MAMDC4: variants seen among roughly 807,000 people sequenced by gnomAD.
MAMDC4 encodes MAM domain containing 4.
Under a neutral mutation model 153.3 loss-of-function variants are expected in MAMDC4, and 168 were observed. The ratio of observed to expected loss-of-function variants is 1.10; its 90% CI spans 0.97 to 1.25. MAMDC4 has a LOEUF of 1.25. Ranked by LOEUF, MAMDC4 falls within the 50% of genes most tolerant of loss-of-function variation. MAMDC4 has a pLI of 0.00. For missense variants in MAMDC4, 1,701 were observed against 1,542.8 expected (o/e 1.10, Z -1.72); for synonymous variants, 744 against 651.5 (o/e 1.14, Z -2.16).
chr9:136,855,573 T>C lies in MAMDC4; in HGVS notation c.1425T>C (p.Cys475=). Residue 475 remains cysteine, a synonymous_variant, in exon 12 of 27, where the codon TGT becomes TGC. Coordinates refer to ENST00000317446, the MANE Select transcript of MAMDC4 (RefSeq NM_206920.3). The stretch of plus-strand genomic sequence containing the variant: ...TGTGTGTGCCCCCGGAACAACTGTG[T>C]GACTTCGAGGAGCAGTGCGCAGGGG... The part of the protein sequence containing the change: ...GDLCVPPEQL[C]DFEEQCAGGE... 1.3e-6 allele frequency: 2 copies of C among 1,591,466 alleles called. No homozygotes were observed. The highest frequency in any genetic ancestry group is 1.7e-6 in the Non-Finnish European group (2 of 1,169,272).
Position 136,855,631 on chromosome 9 carries a change from C to A in MAMDC4, c.1471+12C>A. ...CGAGCAGGCCTGTGGTAAAGGGGCT[C>A]AACCTCCTGCAGACCTCCTGCTGCG... On this transcript the variant is annotated intron_variant, in intron 12 of 26. Transcript: ENST00000317446. 1.9e-6 allele frequency: 3 copies of A among 1,568,670 alleles called. No individual in the cohort carries two copies. Among genetic ancestry groups the A allele is most frequent in the South Asian group, 1.2e-5 (1 of 85,648 alleles).
At chr9:136,854,404 C>A in intron 7 of MAMDC4, 68 bp downstream of exon 7, 1 of 1,493,788 alleles carries the variant, frequency 6.7e-7, no homozygotes, top group South Asian at 1.3e-5. Flanking sequence ...CCCTGGCACT[C>A]ATCCAGGAGG....
In MAMDC4 at chr9:136,852,571, G is replaced by T. The variant is rs1452351263; in HGVS notation, c.46+109G>T. The T allele has an allele frequency of 3.6e-6, 5 of 1,396,270 alleles. No homozygotes were observed. The African/African-American group carries it at 7.1e-5, about 20-fold the overall frequency. 86.5% of individuals were successfully genotyped at this position (1,396,270 alleles called of 1,614,324 possible). ...AGGGCTGATGCCTGAGCCCCAAAGG[G>T]AAGGAGGGTTGCAAGGTACTACCTT... is the stretch of plus-strand genomic sequence containing the variant. On this transcript the variant is annotated intron_variant, in intron 1 of 26. Coordinates refer to ENST00000317446, the MANE Select transcript of MAMDC4 (RefSeq NM_206920.3).
At position 136,859,030 on chromosome 9, in the gene MAMDC4, G is replaced by A. The variant is rs1588395080; in HGVS notation, c.2982G>A (p.Leu994=). 1.3e-6 allele frequency: 2 copies of A among 1,550,036 alleles called. No individual in the cohort carries two copies. Among genetic ancestry groups the A allele is most frequent in the Non-Finnish European group, 1.7e-6 (2 of 1,146,366 alleles). Residue 994 remains leucine (L), a synonymous_variant, in exon 24 of 27, where the codon CTG becomes CTA. Coordinates refer to ENST00000317446, the MANE Select transcript of MAMDC4 (RefSeq NM_206920.3). ...ACAAGGGGGAGCTGAAGGTACTGCT[G>A]CACAGTGCTCAGGGCCAGCTGGCTG... The part of the protein sequence containing the change: ...HFYKGELKVL[L]HSAQGQLAVW...
rs1225815655 is a variant in MAMDC4, at chr9:136,858,560, G to A, written c.2821+14G>A. The A allele has an allele frequency of 6.4e-7, 1 of 1,563,010 alleles. No homozygotes were observed. Among genetic ancestry groups the A allele is most frequent in the Non-Finnish European group, 8.7e-7 (1 of 1,154,888 alleles). On this transcript the variant is annotated intron_variant, in intron 22 of 26. Coordinates refer to ENST00000317446, the MANE Select transcript of MAMDC4 (RefSeq NM_206920.3). Reference sequence around the variant, plus strand: ...GCACAGAGGCAGGTACGTGCCCACTGGAGCCAGGTGGGGAGGCACACACAG... The same window carrying A: ...GCACAGAGGCAGGTACGTGCCCACTAGAGCCAGGTGGGGAGGCACACACAG...
rs762454209 is a variant in MAMDC4, at chr9:136,858,404, C to T, written c.2679C>T (p.Ser893=). The T allele has an allele frequency of 3.1e-6, 5 of 1,602,538 alleles. No homozygotes were observed. Among genetic ancestry groups the T allele is most frequent in the South Asian group, 1.1e-5 (1 of 91,096 alleles). Residue 893 remains serine, a synonymous_variant, in exon 22 of 27, where the codon TCC becomes TCT. Coordinates refer to ENST00000317446, the MANE Select transcript of MAMDC4 (RefSeq NM_206920.3). ...LQDGPCPQPG[S]CDFESGLCGW... is the part of the protein sequence containing the mutation. Reference sequence around the variant, plus strand: ...TCACCCACCCATGTCCTGCAGGTTCCTGTGATTTTGAGTCTGGCCTGTGTG... The same window carrying T: ...TCACCCACCCATGTCCTGCAGGTTCTTGTGATTTTGAGTCTGGCCTGTGTG...
At chr9:136,854,381 G>A (rs754862918) in intron 7 of MAMDC4, 45 bp downstream of exon 7, 88 of 1,497,516 alleles carry the variant, frequency 5.9e-5, no homozygotes, top group Non-Finnish European at 6.7e-5. Flanking sequence ...GAGACTGGAC[G>A]CCTCGGTGGG....
rs1849063063 is a variant in MAMDC4 at position 136,860,003 on chromosome 9, G to A, written c.3311G>A (p.Cys1104Tyr). 6.2e-7 allele frequency: 1 copy of A among 1,611,464 alleles called. No individual in the cohort carries two copies. The highest frequency in any genetic ancestry group is 2.2e-5 in the East Asian group (1 of 44,848). The change falls in exon 26 of 27, where the codon TGC becomes TAC. Residue 1104 changes from cysteine to tyrosine, a missense_variant. Transcript: ENST00000317446. ...CGCTGGCTGCAGAAGAAGGGGAGCT[G>A]CCCCTTCCAGAGCAACACAGAGGCC... Reference protein sequence around the residue: ...GRRWLQKKGSCPFQSNTEATA... With the variant: ...GRRWLQKKGSYPFQSNTEATA...
intron 12 of MAMDC4, 37 bp downstream of exon 12, chr9:136,855,656 G>A (rs562952232): frequency 1.1e-5 from 17 of 1,564,700 alleles, no homozygotes; most frequent in South Asian, 2.3e-5. Context: ...CTCCTGCTGC[G>A]GAGCCAAGGG....
At position 136,857,199 on chromosome 9, in the gene MAMDC4, G is replaced by A; in HGVS notation, c.2007G>A (p.Glu669=). 3 of 1,612,268 alleles carry A rather than the reference G, an allele frequency of 1.9e-6. No individual in the cohort carries two copies. Among genetic ancestry groups the A allele is most frequent in the South Asian group, 2.2e-5 (2 of 90,958 alleles). ...TLRLAMRREG[E]ETHLWSRSGT... is the part of the protein sequence containing the mutation. ...GCCTAGCCATGAGACGGGAAGGGGA[G>A]GAGACACACCTGTGGTCGCGGTCAG... The change falls in exon 17 of 27, where the codon GAG becomes GAA. Residue 669 remains glutamate (E), a synonymous_variant. Coordinates refer to ENST00000317446, the MANE Select transcript of MAMDC4 (RefSeq NM_206920.3).
intron 23 of MAMDC4, 45 bp from the exon 24 acceptor site, chr9:136,858,960 G>T (rs1849047782): frequency 6.6e-7 from 1 of 1,513,992 alleles, no homozygotes; most frequent in African/African-American, 1.4e-5. Context: ...AGGCGTGCAG[G>T]AGCCCCAGGA....
At chr9:136,859,351 G>A in intron 25 of MAMDC4, 34 bp downstream of exon 25, 2 of 1,561,062 alleles carry the variant, frequency 1.3e-6, no homozygotes, top group Middle Eastern at 2.0e-4. Flanking sequence ...GCACGGAGGA[G>A]GGCCCAAGGG....
chr9:136,860,508 C>G (rs746931386), intron 26 of MAMDC4, 54 bp from the exon 27 acceptor site: 499 of 1,563,314 alleles, frequency 3.2e-4, no homozygotes, highest in Non-Finnish European at 3.8e-4. Flanking sequence ...TTGACAAGAG[C>G]GAAACTCCGT....
chr9:136,855,104 C>T lies in MAMDC4; in HGVS notation c.1191C>T (p.Pro397=), dbSNP rs746684357. 6.3e-7 allele frequency: 1 copy of T among 1,574,806 alleles called. No individual in the cohort carries two copies. Among genetic ancestry groups the T allele is most frequent in the South Asian group, 1.1e-5 (1 of 87,982 alleles). The change falls in exon 10 of 27, where the codon CCC becomes CCT. Residue 397 remains proline, a synonymous_variant. Coordinates refer to ENST00000317446, the MANE Select transcript of MAMDC4 (RefSeq NM_206920.3). ...GTGTTGACATCCAGAGCGCCTACCCCTTCCAGGTAGGGAACAGCAAGAGGG... is the reference window on the plus strand; with the variant it reads ...GTGTTGACATCCAGAGCGCCTACCCTTTCCAGGTAGGGAACAGCAAGAGGG... The part of the protein sequence containing the change: ...RDRVDIQSAY[P]FQILLAGQTG...
chr9:136,860,135 C>T lies in MAMDC4; in HGVS notation c.3372+71C>T, dbSNP rs544439752. On this transcript the variant is annotated intron_variant, in intron 26 of 26. Transcript: ENST00000317446. ...TGTGACGCTGGAGGGCGGGCAGTGG[C>T]GGGACACAACCCCCCGGGGAGGAGC... 463 of 1,453,148 alleles carry T rather than the reference C, an allele frequency of 3.2e-4. 2 individuals carry two copies. The East Asian group carries it at 9.7e-3, about 30-fold the overall frequency. 90.0% of individuals were successfully genotyped at this position (1,453,148 alleles called of 1,614,324 possible). A position where few individuals can be genotyped will look rare whatever the true frequency, so the allele number is the denominator to read the frequency against.
chr9:136,855,346 T>C lies in MAMDC4; in HGVS notation c.1282+8T>C. ...ACTGCAGACCAGTCTCGGGTGAGCC[T>C]GCTGACTCTGCCCTACCCTGCCTTG... is the stretch of plus-strand genomic sequence containing the variant. On this transcript the variant is annotated splice_region_variant and intron_variant, in intron 11 of 26. Coordinates refer to ENST00000317446, the MANE Select transcript of MAMDC4 (RefSeq NM_206920.3). 6.2e-7 allele frequency: 1 copy of C among 1,602,250 alleles called. No individual in the cohort carries two copies. Among genetic ancestry groups the C allele is most frequent in the Non-Finnish European group, 8.5e-7 (1 of 1,173,814 alleles).
At position 136,855,745 on chromosome 9, in the gene MAMDC4, T is replaced by C; in HGVS notation, c.1485T>C (p.Phe495=). The part of the protein sequence containing the change: ...EDEQACGTTD[F]ESPEAGGWED... Reference sequence around the variant, plus strand: ...CTGCTGTTCCAGGCACCACAGACTTTGAGTCCCCCGAGGCTGGGGGCTGGG... The same window carrying C: ...CTGCTGTTCCAGGCACCACAGACTTCGAGTCCCCCGAGGCTGGGGGCTGGG... The change falls in exon 13 of 27, where the codon TTT becomes TTC. Residue 495 remains phenylalanine, a synonymous_variant. Transcript: ENST00000317446. 6.4e-7 allele frequency: 1 copy of C among 1,573,828 alleles called. No homozygotes were observed. The highest frequency in any genetic ancestry group is 8.6e-7 in the Non-Finnish European group (1 of 1,160,754).
In MAMDC4 at chr9:136,857,965, GC is replaced by G; in HGVS notation, c.2465-10del. 1 of 1,495,622 alleles carries G rather than the reference GC, an allele frequency of 6.7e-7. No individual in the cohort carries two copies. The highest frequency in any genetic ancestry group is 2.4e-5 in the Admixed American group (1 of 42,356). 92.6% of individuals were successfully genotyped at this position (1,495,622 alleles called of 1,614,324 possible). ...TCTCCCCACACTGCTGACCTGGGCCGCCCCTGCTGGCAGGCACCCTGCGGGT... is the reference window on the plus strand; with the variant it reads ...TCTCCCCACACTGCTGACCTGGGCCGCCCTGCTGGCAGGCACCCTGCGGGT... On this transcript the variant is annotated splice_polypyrimidine_tract_variant and intron_variant, in intron 19 of 26. Coordinates refer to ENST00000317446, the MANE Select transcript of MAMDC4 (RefSeq NM_206920.3).
At chr9:136,859,784 A>G in intron 25 of MAMDC4, 102 bp from the exon 26 acceptor site, 2 of 1,271,700 alleles carry the variant, frequency 1.6e-6, no homozygotes, top group Middle Eastern at 2.7e-4. Flanking sequence ...GGTGAACCCC[A>G]GGAGCCAGCA....
Sources: gnomAD v4.1 joint callset for allele counts on GRCh38, gnomAD v4.1.1 for gene constraint, MANE v1.5 for transcripts, NCBI Gene and HGNC (gene_info 2026-07-23, HGNC 2026-07-21) for gene names.